PLEKHA6: variants seen among roughly 807,000 people sequenced by gnomAD.
PLEKHA6 encodes the protein pleckstrin homology domain-containing family A member 6.
A neutral mutation model predicts 116.7 loss-of-function variants in PLEKHA6; 60 were observed. That is an observed-to-expected ratio of 0.51 (90% confidence interval 0.42 to 0.64). The LOEUF is 0.64. Among genes scored for constraint, PLEKHA6 ranks in the 30% least tolerant of loss-of-function variants. PLEKHA6 has a pLI of 0.00. For missense variants in PLEKHA6, 1,338 were observed against 1,422.7 expected, an observed-to-expected ratio of 0.94 and a Z score of 0.96; for synonymous variants, 489 against 556.1, an observed-to-expected ratio of 0.88 and a Z score of 1.70.
At chr1:204,267,716 T>A (rs1666985549) in intron 4 of PLEKHA6, among the ~76,000 whole-genome samples, 169 bp from the exon 5 acceptor site, 1 of 152,154 alleles carries the variant, frequency 6.6e-6, no homozygotes, top group Non-Finnish European at 1.5e-5. Context: ...TGCAAGGAAC[T>A]GACATTAGAT....
chr1:204,251,425 T>G, intron 9 of PLEKHA6: 1 of 624,802 alleles, frequency 1.6e-6, no homozygotes, highest in Non-Finnish European at 2.9e-6. Context: ...TCCAGGCAGA[T>G]GAGCGGGTTG....
intron 17 of PLEKHA6, among the ~76,000 whole-genome samples, chr1:204,234,556 T>C (rs1199511180): frequency 6.6e-6 from 1 of 152,158 alleles, no homozygotes; most frequent in East Asian, 1.9e-4. Flanking sequence ...AATATTCTTT[T>C]ATATTTTTTA....
chr1:204,239,604 A>T (rs1662520535), intron 17 of PLEKHA6, among the ~76,000 whole-genome samples: 3 of 152,330 alleles, frequency 2.0e-5, no homozygotes, highest in East Asian at 3.9e-4. Flanking sequence ...GCTAAAAAAA[A>T]GTGTGGCAGT....
Position 204,257,753 on chromosome 1 carries a change from C to T in PLEKHA6, c.1124G>A (p.Cys375Tyr). Residue 375 changes from cysteine to tyrosine, a missense_variant, in exon 9 of 23, where the codon TGT becomes TAT. Around this residue, in one of 3 missense-constraint regions of PLEKHA6, gnomAD observed 1,136 missense variants for 1,163.6 expected, o/e 0.98. Transcript: ENST00000272203. This position sits in a 1 kb window ranked among gnomAD's most constrained non-coding sequence, Gnocchi z 6.5. The stretch of plus-strand genomic sequence containing the variant: ...GATCCGATCATAGGCCGGCATGGAA[C>T]AGATGCTCTCCGGCCGCACTCCTGG... ...YPPGVRPESI[C>Y]SMPAYDRISP... 5.0e-6 allele frequency: 8 copies of T among 1,613,778 alleles called. No homozygotes were observed. Among genetic ancestry groups the T allele is most frequent in the Non-Finnish European group, 6.8e-6 (8 of 1,179,878 alleles).
At chr1:204,373,560 G>A (rs371463209) in intron 1 of PLEKHA6, among the ~76,000 whole-genome samples, 9 of 152,160 alleles carry the variant, frequency 5.9e-5, no homozygotes, top group African/African-American at 1.4e-4. Context: ...GTGTGTGGTC[G>A]TTTGATTCCA....
chr1:204,365,673 T>C (rs1021698650), intron 3 of PLEKHA6, among the ~76,000 whole-genome samples: 8 of 152,210 alleles, frequency 5.3e-5, no homozygotes, highest in Admixed American at 3.9e-4. Context: ...ATGTTTATCA[T>C]GCATGCATTC....
chr1:204,260,075 T>C (rs1310964530), intron 7 of PLEKHA6, among the ~76,000 whole-genome samples: 1 of 152,170 alleles, frequency 6.6e-6, no homozygotes, highest in African/African-American at 2.4e-5. Flanking sequence ...TAACCTCACC[T>C]AGTCTTGGTC....
intron 1 of PLEKHA6, chr1:204,325,858 G>A: frequency 1.0e-6 from 1 of 972,606 alleles, no homozygotes; most frequent in Non-Finnish European, 1.2e-6. Flanking sequence ...AACAAGGGGT[G>A]GAAGGGCAGC....
intron 1 of PLEKHA6, among the ~76,000 whole-genome samples, chr1:204,340,481 GAGA>G (rs1402217719): frequency 6.6e-6 from 1 of 152,172 alleles, no homozygotes; most frequent in Non-Finnish European, 1.5e-5. Flanking sequence ...GAGAGGCAGG[GAGA>G]AGATGAGACC....
Position 204,221,480 on chromosome 1 carries a change from C to G in PLEKHA6, c.*1308G>C, listed in dbSNP as rs1339385884. On this transcript the variant is annotated 3_prime_UTR_variant, in exon 23 of 23. Coordinates refer to ENST00000272203, the MANE Select transcript of PLEKHA6 (RefSeq NM_014935.5). ...TTTTCTCTGTCTTCCCCGCTGCCCT[C>G]CCGGGGCAGGTGGATCATGAGAGCG... 6.6e-6 allele frequency: 1 copy of G among 152,642 alleles called. No individual in the cohort carries two copies. The highest frequency in any genetic ancestry group is 2.4e-5 in the African/African-American group (1 of 41,436). 9.5% of individuals were successfully genotyped at this position (152,642 alleles called of 1,614,324 possible).
chr1:204,267,888 A>C (rs1571984185), intron 4 of PLEKHA6, among the ~76,000 whole-genome samples: 1 of 151,876 alleles, frequency 6.6e-6, no homozygotes, highest in Non-Finnish European at 1.5e-5. Context: ...AGACACCCCT[A>C]CCCCCCACCA....
In PLEKHA6 at chr1:204,259,415, C is replaced by T; in HGVS notation, c.850G>A (p.Ala284Thr). The change falls in exon 8 of 23, where the codon GCT (alanine) becomes ACT (threonine). Residue 284 changes from alanine to threonine, a missense_variant. This residue lies in a region of PLEKHA6 where 1,136 missense variants were observed against 1,163.6 expected (regional missense o/e 0.98). Transcript: ENST00000272203. This position sits in a 1 kb window ranked among gnomAD's most constrained non-coding sequence, Gnocchi z 4.6. The stretch of plus-strand genomic sequence containing the variant: ...GTCTCTCCATCCTGAGACGGGAAAG[C>T]TGTGCTCCCTGGCCGGCTTGGGGAG... ...YHSPSRPGSTAFPSQDGETGG... is the reference protein window; with the variant it reads ...YHSPSRPGSTTFPSQDGETGG... The T allele has an allele frequency of 6.2e-7, 1 of 1,614,234 alleles. No homozygotes were observed. Among genetic ancestry groups the T allele is most frequent in the Middle Eastern group, 1.6e-4 (1 of 6,062 alleles).
intron 1 of PLEKHA6, among the ~76,000 whole-genome samples, chr1:204,337,387 C>T (rs993389380): frequency 2.0e-5 from 3 of 152,154 alleles, no homozygotes; most frequent in African/African-American, 7.2e-5. Context: ...CCAGTAGCTG[C>T]TACCTTCTTA....
Position 204,356,339 on chromosome 1 carries a change from G to A in PLEKHA6, c.-95+3355C>T, listed in dbSNP as rs891369141. Among the ~76,000 whole-genome samples, 7 of 152,146 alleles carry A rather than the reference G, an allele frequency of 4.6e-5. No individual in the cohort carries two copies. In the East Asian group the frequency reaches 7.7e-4, roughly 17 times the overall value. On this transcript the variant is annotated intron_variant, in intron 1 of 22. Coordinates refer to ENST00000272203, the MANE Select transcript of PLEKHA6 (RefSeq NM_014935.5). ...TGTAATCCCAGCACTTTGGGAGGCC[G>A]ACGTGGGTGGATCACTTGAGCACAG... is the stretch of plus-strand genomic sequence containing the variant.
In PLEKHA6 at chr1:204,219,430, A is replaced by G. The variant is rs552869946; in HGVS notation, c.*3358T>C. 3.9e-5 allele frequency: 6 copies of G among 152,410 alleles called. No individual in the cohort carries two copies. The highest frequency in any genetic ancestry group is 1.5e-4 in the African/African-American group (6 of 41,372). 9.4% of individuals were successfully genotyped at this position (152,410 alleles called of 1,614,324 possible). A position where few individuals can be genotyped will look rare whatever the true frequency, so the allele number is the denominator to read the frequency against. On this transcript the variant is annotated 3_prime_UTR_variant, in exon 23 of 23. Coordinates refer to ENST00000272203, the MANE Select transcript of PLEKHA6 (RefSeq NM_014935.5). ...CACTTGTGCCCTTAGAAAATCTTCAAAGTGACAGTAGCAGTATTTGACTGC... is the reference window on the plus strand; with the variant it reads ...CACTTGTGCCCTTAGAAAATCTTCAGAGTGACAGTAGCAGTATTTGACTGC...
At chr1:204,275,417 G>C (rs1351318246) in intron 1 of PLEKHA6, among the ~76,000 whole-genome samples, 3 of 152,202 alleles carry the variant, frequency 2.0e-5, no homozygotes, top group Non-Finnish European at 4.4e-5. Flanking sequence ...GGGCTGTCAG[G>C]CATGAAGGTC....
intron 1 of PLEKHA6, among the ~76,000 whole-genome samples, chr1:204,336,280 G>T (rs542926867): frequency 2.0e-5 from 3 of 152,294 alleles, no homozygotes; most frequent in East Asian, 3.9e-4. Context: ...TCTACCTCTG[G>T]TCTGGTCTCC....
rs780352987 is a variant in PLEKHA6 at position 204,257,769 on chromosome 1, G to A, written c.1108C>T (p.Arg370Trp). 11 of 1,613,892 alleles carry A rather than the reference G, an allele frequency of 6.8e-6. No homozygotes were observed. The highest frequency in any genetic ancestry group is 1.7e-5 in the Admixed American group (1 of 59,992). The change falls in exon 9 of 23, where the codon CGG becomes TGG. Residue 370 changes from arginine (R) to tryptophan (W), a missense_variant. Physicochemically the swap from Arg to Trp is moderately radical, Grantham distance 101. Coordinates refer to ENST00000272203, the MANE Select transcript of PLEKHA6 (RefSeq NM_014935.5). The surrounding 1 kb of genome is among the most constrained non-coding windows in gnomAD (Gnocchi z 6.5). ...GGCATGGAACAGATGCTCTCCGGCC[G>A]CACTCCTGGCGGGTAGTACTGATAA... ...DDYQYYPPGVRPESICSMPAY... is the reference protein window; with the variant it reads ...DDYQYYPPGVWPESICSMPAY...
intron 1 of PLEKHA6, among the ~76,000 whole-genome samples, chr1:204,303,962 G>A (rs565674883): frequency 9.9e-5 from 15 of 152,178 alleles, no homozygotes; most frequent in Admixed American, 2.6e-4. Context: ...CGATCTGCCC[G>A]CCTCAGCCTC....
Sources: allele counts gnomAD v4.1 joint callset (sites outside exome capture counted in the v4.1 genomes callset), GRCh38; gene constraint gnomAD v4.1.1; regional missense constraint gnomAD v4.1.1; non-coding constraint Gnocchi (gnomAD v3.1); transcripts MANE v1.5; gene names NCBI Gene and HGNC (gene_info 2026-07-23, HGNC 2026-07-21).